Variants in ZNF462 observed in about 807,000 individuals in gnomAD.
The protein encoded by ZNF462 is zinc finger PBX1-interacting protein.
ZNF462 carries 10 observed loss-of-function variants against 201.9 expected under a neutral mutation model. The ratio of observed to expected loss-of-function variants is 0.05; its 90% CI spans 0.03 to 0.08. The LOEUF (loss-of-function observed/expected upper bound fraction) is 0.08. Among genes scored for constraint, ZNF462 ranks in the 10% least tolerant of loss-of-function variants. The probability of loss-of-function intolerance (pLI) is 1.00; values close to 1 mark genes in which losing one functional copy is unlikely to be tolerated. For synonymous variants in ZNF462, 1,227 were observed against 1,193.3 expected, an observed-to-expected ratio of 1.03 and a Z score of -0.58; for missense variants, 2,523 against 3,168.3, an observed-to-expected ratio of 0.80 and a Z score of 4.89.
intron 1 of ZNF462, among the ~76,000 whole-genome samples, chr9:106,897,872 C>G (rs187333993): frequency 1.3e-5 from 2 of 152,316 alleles, no homozygotes; most frequent in East Asian, 3.9e-4. Context: ...AAGCCAGTCC[C>G]TAGCTCATGG....
chr9:106,985,980 A>C (rs1247009967), intron 10 of ZNF462, among the ~76,000 whole-genome samples: 1 of 152,224 alleles, frequency 6.6e-6, no homozygotes, highest in Non-Finnish European at 1.5e-5. Flanking sequence ...TTTCTTCCCC[A>C]AACTTAAGGG....
chr9:107,003,377 C>G lies in ZNF462; in HGVS notation c.7140C>G (p.Ser2380Arg). ...QMKEKMESSS[S>R]DDEDKEEEMN... ...AGGAGAAAATGGAGAGCTCCAGCAG[C>G]GATGATGAGGACAAGGAAGAAGAAA... The change falls in exon 11 of 13, where the codon AGC becomes AGG. Residue 2380 changes from serine (S) to arginine (R), a missense_variant. Physicochemically the swap from Ser to Arg is moderately radical, Grantham distance 110. Transcript: ENST00000277225. This position sits in a 1 kb window ranked among gnomAD's most constrained non-coding sequence, Gnocchi z 4.4. 1 of 1,613,730 alleles carries G rather than the reference C, an allele frequency of 6.2e-7. No homozygotes were observed. Among genetic ancestry groups the G allele is most frequent in the Non-Finnish European group, 8.5e-7 (1 of 1,179,812 alleles).
In ZNF462 at chr9:106,935,413, A is replaced by G. The variant is rs1588083470; in HGVS notation, c.6117-90A>G. The G allele has an allele frequency of 1.8e-6, 2 of 1,110,224 alleles. No individual in the cohort carries two copies. The highest frequency in any genetic ancestry group is 2.4e-5 in the East Asian group (1 of 42,192). 68.8% of individuals were successfully genotyped at this position (1,110,224 alleles called of 1,614,324 possible). On this transcript the variant is annotated intron_variant, in intron 5 of 12. Coordinates refer to ENST00000277225, the MANE Select transcript of ZNF462 (RefSeq NM_021224.6). The surrounding 1 kb of genome is among the most constrained non-coding windows in gnomAD (Gnocchi z 4.1). ...ACAAAAGGACTTTGAACGACCTAGA[A>G]GTAGGATTCCTGGAAAAAAAGCAAT...
At position 106,997,304 on chromosome 9, in the gene ZNF462, T is replaced by TA. The variant is rs993468810; in HGVS notation, c.7057-5989dup. On this transcript the variant is annotated intron_variant, in intron 10 of 12. Transcript: ENST00000277225. ...AATTAAAGATAGAACTACCATATGA[T>TA]ACAGCAATCCCACTTCTGGATATTT... Among the ~76,000 whole-genome samples the TA allele has an allele frequency of 5.3e-5, 8 of 152,128 alleles. 1 individual carries two copies. Among genetic ancestry groups the TA allele is most frequent in the African/African-American group, 1.9e-4 (8 of 41,440 alleles).
At chr9:106,914,342 T>C (rs576114557) in intron 1 of ZNF462, among the ~76,000 whole-genome samples, 1 of 152,332 alleles carries the variant, frequency 6.6e-6, no homozygotes, top group South Asian at 2.1e-4. Flanking sequence ...TCGTGGGGAC[T>C]GTCCTGTGCG....
intron 7 of ZNF462, 105 bp from the exon 8 acceptor site, chr9:106,971,900 T>A: frequency 2.2e-6 from 3 of 1,382,844 alleles, no homozygotes; most frequent in South Asian, 2.8e-5. Context: ...AATTATACCT[T>A]AGTAAAGCTG....
Position 106,926,884 on chromosome 9 carries a change from C to G in ZNF462, c.2972C>G (p.Ser991Cys). ...LNSAPKNMATSTPVARGGGLP... is the reference protein window; with the variant it reads ...LNSAPKNMATCTPVARGGGLP... ...TCGGCTCCCAAGAACATGGCGACTT[C>G]CACACCTGTGGCTCGTGGTGGTGGT... Residue 991 changes from serine to cysteine, a missense_variant, in exon 3 of 13, where the codon TCC (serine) becomes TGC (cysteine). By Grantham distance (112) the Ser-to-Cys change is moderately radical. Transcript: ENST00000277225. This position sits in a 1 kb window ranked among gnomAD's most constrained non-coding sequence, Gnocchi z 7.9. 5.0e-6 allele frequency: 8 copies of G among 1,614,166 alleles called. No homozygotes were observed. Among genetic ancestry groups the G allele is most frequent in the Non-Finnish European group, 6.8e-6 (8 of 1,180,036 alleles).
upstream of ZNF462, chr9:106,863,098 G>A (rs761047656): frequency 2.5e-5 from 10 of 397,396 alleles, no homozygotes; most frequent in Admixed American, 4.4e-5. Context: ...GAGTGAGAGG[G>A]AGAGGGAGGG....
intron 7 of ZNF462, among the ~76,000 whole-genome samples, chr9:106,956,286 G>T (rs1026274665): frequency 6.6e-6 from 1 of 152,060 alleles, no homozygotes; most frequent in Non-Finnish European, 1.5e-5. Context: ...ATCTTCATCA[G>T]AGCTCTAGGG....
At chr9:106,960,393 C>G (rs976503651) in intron 7 of ZNF462, among the ~76,000 whole-genome samples, 1 of 152,134 alleles carries the variant, frequency 6.6e-6, no homozygotes, top group Non-Finnish European at 1.5e-5. Flanking sequence ...TGCCCACGGC[C>G]TGTGAGCTCT....
chr9:106,861,715 T>A (rs1419472376), upstream of ZNF462, among the ~76,000 whole-genome samples: 3 of 152,142 alleles, frequency 2.0e-5, no homozygotes, highest in Admixed American at 2.0e-4. Context: ...CCCAGTCCAA[T>A]TAAAACCGTA....
At chr9:106,991,881 C>CACACAA (rs1047460460) in intron 10 of ZNF462, among the ~76,000 whole-genome samples, 1 of 139,444 alleles carries the variant, frequency 7.2e-6, no homozygotes, top group Admixed American at 7.2e-5. Flanking sequence ...CACACACACA[C>CACACAA]AACAATCAAA....
intron 10 of ZNF462, among the ~76,000 whole-genome samples, chr9:106,987,541 T>G (rs975132990): frequency 1.3e-5 from 2 of 152,212 alleles, no homozygotes; most frequent in African/African-American, 4.8e-5. Context: ...TTGTTTGATT[T>G]CATTGTAGAT....
upstream of ZNF462, among the ~76,000 whole-genome samples, chr9:106,861,226 AG>A (rs1373288338): frequency 6.6e-6 from 1 of 152,102 alleles, no homozygotes; most frequent in Non-Finnish European, 1.5e-5. Context: ...GATTCTGCTC[AG>A]GAATATAGGG....
intron 7 of ZNF462, among the ~76,000 whole-genome samples, chr9:106,956,143 C>G (rs567756809): frequency 6.6e-6 from 1 of 152,256 alleles, no homozygotes; most frequent in Admixed American, 6.5e-5. Context: ...GAATCACTAT[C>G]TATGGCAACT....
rs748330707 is a variant in ZNF462 at position 106,954,316 on chromosome 9, G to A, written c.6427+15209G>A. On this transcript the variant is annotated intron_variant, in intron 7 of 12. Coordinates refer to ENST00000277225, the MANE Select transcript of ZNF462 (RefSeq NM_021224.6). This position sits in a 1 kb window ranked among gnomAD's most constrained non-coding sequence, Gnocchi z 4.0. Reference sequence around the variant, plus strand: ...GTGGCAGGAGAGAGAAAGAGAGTGAGGGGGGGATGTGCCATACTTCTAAAC... The same window carrying A: ...GTGGCAGGAGAGAGAAAGAGAGTGAAGGGGGGATGTGCCATACTTCTAAAC... Among the ~76,000 whole-genome samples, 3 of 151,916 alleles carry A rather than the reference G, an allele frequency of 2.0e-5. No homozygotes were observed. Among genetic ancestry groups the A allele is most frequent in the Admixed American group, 6.6e-5 (1 of 15,240 alleles).
At position 106,966,749 on chromosome 9, in the gene ZNF462, T is replaced by C. The variant is rs1190247769; in HGVS notation, c.6428-5256T>C. Among the ~76,000 whole-genome samples the C allele has an allele frequency of 6.6e-6, 1 of 152,150 alleles. No homozygotes were observed. The highest frequency in any genetic ancestry group is 1.5e-5 in the Non-Finnish European group (1 of 67,996). ...TGAATGAATGGGTGTAATTGAATCATTTGCCCCTTGGCCACCTCTAAAATT... is the reference window on the plus strand; with the variant it reads ...TGAATGAATGGGTGTAATTGAATCACTTGCCCCTTGGCCACCTCTAAAATT... On this transcript the variant is annotated intron_variant, in intron 7 of 12. Coordinates refer to ENST00000277225, the MANE Select transcript of ZNF462 (RefSeq NM_021224.6). This position sits in a 1 kb window ranked among gnomAD's most constrained non-coding sequence, Gnocchi z 4.4.
intron 7 of ZNF462, among the ~76,000 whole-genome samples, chr9:106,943,059 C>CGCGCGCGCGCGCGCGTGTGTGTGT (rs374167214): frequency 7.0e-6 from 1 of 143,152 alleles, no homozygotes; most frequent in African/African-American, 2.6e-5. Context: ...TTTGCGCGCG[C>CGCGCGCGCGCGCGCGTGTGTGTGT]GTGTGTGTGT....
intron 7 of ZNF462, 26 bp downstream of exon 7, chr9:106,939,133 T>C (rs760866399): frequency 8.3e-6 from 13 of 1,559,960 alleles, no homozygotes; most frequent in Non-Finnish European, 9.5e-6. Flanking sequence ...CAAGCTGGAA[T>C]TAACCACTCA....
Sources: gnomAD v4.1 joint callset for allele counts (sites outside exome capture counted in the v4.1 genomes callset) on GRCh38, gnomAD v4.1.1 for gene constraint, Gnocchi (gnomAD v3.1) non-coding constraint, MANE v1.5 for transcripts, NCBI Gene and HGNC (gene_info 2026-07-23, HGNC 2026-07-21) for gene names.